Variants in LEPROTL1 observed in about 807,000 individuals in gnomAD.
LEPROTL1 encodes the protein leptin receptor overlapping transcript-like 1.
LEPROTL1 carries 6 observed loss-of-function variants against 15.4 expected under a neutral mutation model. That is an observed-to-expected ratio of 0.39 (90% CI 0.21 to 0.77). LEPROTL1 has a LOEUF of 0.77. Among genes scored for constraint, LEPROTL1 ranks in the 30% least tolerant of loss-of-function variants. The pLI is 0.41. For missense variants in LEPROTL1, 128 were observed against 158.1 expected, an observed-to-expected ratio of 0.81 and a Z score of 1.02; for synonymous variants, 56 against 52.6, an observed-to-expected ratio of 1.06 and a Z score of -0.28.
intron 3 of LEPROTL1, among the ~76,000 whole-genome samples, chr8:30,126,966 G>A (rs1257346995): frequency 6.6e-6 from 1 of 152,092 alleles, no homozygotes; most frequent in Non-Finnish European, 1.5e-5. Context: ...CTTGAACCCA[G>A]GAGGCGGAGG....
intron 2 of LEPROTL1, among the ~76,000 whole-genome samples, chr8:30,103,205 AAG>A (rs1802501707): frequency 6.6e-6 from 1 of 152,238 alleles, no homozygotes; most frequent in Non-Finnish European, 1.5e-5. Flanking sequence ...CAGTCTTAAA[AAG>A]AATGAGGAAG....
intron 2 of LEPROTL1, 103 bp downstream of exon 2, chr8:30,102,076 A>G: frequency 1.6e-6 from 1 of 636,184 alleles, no homozygotes; most frequent in Non-Finnish European, 2.7e-6. Context: ...ATGCAGAGAA[A>G]TGTTCACTTA....
In LEPROTL1 at chr8:30,095,503, C is replaced by G. The variant is rs1193881917; in HGVS notation, c.-10C>G. On this transcript the variant is annotated 5_prime_UTR_variant, in exon 1 of 4. Transcript: ENST00000321250. ...CCTCGGGTCGTGGAGCCAGGAGCGACGTCACCGCCATGGCAGGCATCAAAG... is the reference window on the plus strand; with the variant it reads ...CCTCGGGTCGTGGAGCCAGGAGCGAGGTCACCGCCATGGCAGGCATCAAAG... 5 of 1,460,586 alleles carry G rather than the reference C, an allele frequency of 3.4e-6. No individual in the cohort carries two copies. Among genetic ancestry groups the G allele is most frequent in the Non-Finnish European group, 3.6e-6 (4 of 1,110,234 alleles). 90.5% of individuals were successfully genotyped at this position (1,460,586 alleles called of 1,614,324 possible). A position where few individuals can be genotyped will look rare whatever the true frequency, so the allele number is the denominator to read the frequency against.
chr8:30,120,082 TAAA>T (rs1264482284), intron 3 of LEPROTL1, among the ~76,000 whole-genome samples: 7 of 151,378 alleles, frequency 4.6e-5, no homozygotes, highest in African/African-American at 7.3e-5. Context: ...AATAAATAAA[TAAA>T]TAAATAAATA....
chr8:30,136,877 G>T (rs183366254), intron 4 of LEPROTL1, among the ~76,000 whole-genome samples: 1 of 152,012 alleles, frequency 6.6e-6, no homozygotes, highest in Non-Finnish European at 1.5e-5. Context: ...TAGCAGAGAC[G>T]GGGTTTTGCC....
Position 30,106,934 on chromosome 8 carries a change from C to G in LEPROTL1, c.*1072C>G. 1.0e-6 allele frequency: 1 copy of G among 985,344 alleles called. No homozygotes were observed. Among genetic ancestry groups the G allele is most frequent in the Non-Finnish European group, 1.2e-6 (1 of 829,566 alleles). 61.0% of individuals were successfully genotyped at this position (985,344 alleles called of 1,614,324 possible). ...CTTACCTGGAAAATAATTGCTATGCCGTACATTCAGAGTGCCCCCTCCCCT... is the reference window on the plus strand; with the variant it reads ...CTTACCTGGAAAATAATTGCTATGCGGTACATTCAGAGTGCCCCCTCCCCT... On this transcript the variant is annotated 3_prime_UTR_variant, in exon 4 of 4. Coordinates refer to ENST00000321250, the MANE Select transcript of LEPROTL1 (RefSeq NM_015344.3).
intron 3 of LEPROTL1, among the ~76,000 whole-genome samples, chr8:30,105,283 G>A (rs1802544467): frequency 6.6e-6 from 1 of 152,116 alleles, no homozygotes; most frequent in South Asian, 2.1e-4. Flanking sequence ...TCAAAAGAAT[G>A]TACATGGGTG....
intron 3 of LEPROTL1, among the ~76,000 whole-genome samples, chr8:30,123,938 A>G (rs969996578): frequency 1.3e-5 from 2 of 151,878 alleles, no homozygotes; most frequent in African/African-American, 4.8e-5. Flanking sequence ...AACATTCTGG[A>G]TAGAAGGACA....
downstream of LEPROTL1, among the ~76,000 whole-genome samples, chr8:30,110,528 G>A (rs1483059593): frequency 6.6e-6 from 1 of 152,096 alleles, no homozygotes; most frequent in South Asian, 2.1e-4. Context: ...GAGGTCAAAA[G>A]TTCGAGACCA....
chr8:30,113,887 A>G (rs1388391902), intron 3 of LEPROTL1, among the ~76,000 whole-genome samples: 1 of 152,168 alleles, frequency 6.6e-6, no homozygotes, highest in Non-Finnish European at 1.5e-5. Context: ...AAACAATGGA[A>G]TACACCGAAG....
At chr8:30,098,521 A>G (rs540716024) in intron 1 of LEPROTL1, among the ~76,000 whole-genome samples, 1 of 152,344 alleles carries the variant, frequency 6.6e-6, no homozygotes, top group African/African-American at 2.4e-5. Context: ...TAAGTTGCGT[A>G]TAAATGGCTT....
chr8:30,100,392 C>T (rs949520990), intron 1 of LEPROTL1, among the ~76,000 whole-genome samples: 1 of 152,136 alleles, frequency 6.6e-6, no homozygotes, highest in African/African-American at 2.4e-5. Flanking sequence ...ATTTTCTTAG[C>T]CACTGTAACT....
At position 30,106,239 on chromosome 8, in the gene LEPROTL1, A is replaced by G. The variant is rs1585465797; in HGVS notation, c.*377A>G. ...AGGAATTCAGAATTCCGCCGGCTCT[A>G]TTACTGGTCAAGTACATCTTTTCTC... is the stretch of plus-strand genomic sequence containing the variant. On this transcript the variant is annotated 3_prime_UTR_variant, in exon 4 of 4. Coordinates refer to ENST00000321250, the MANE Select transcript of LEPROTL1 (RefSeq NM_015344.3). 1.0e-6 allele frequency: 1 copy of G among 986,354 alleles called. No homozygotes were observed. The highest frequency in any genetic ancestry group is 1.2e-6 in the Non-Finnish European group (1 of 830,224). 61.1% of individuals were successfully genotyped at this position (986,354 alleles called of 1,614,324 possible).
intron 3 of LEPROTL1, among the ~76,000 whole-genome samples, chr8:30,118,006 T>C (rs1802768658): frequency 6.9e-6 from 1 of 145,704 alleles, no homozygotes; most frequent in South Asian, 2.1e-4. Context: ...TCTGTATATA[T>C]ATTTTTTGAT....
intron 1 of LEPROTL1, among the ~76,000 whole-genome samples, chr8:30,097,057 A>G (rs567970002): frequency 7.2e-5 from 11 of 152,342 alleles, no homozygotes; most frequent in East Asian, 1.9e-4. Flanking sequence ...GAGTTTTGCT[A>G]GATAATTGGG....
intron 1 of LEPROTL1, among the ~76,000 whole-genome samples, chr8:30,097,068 C>T (rs1802377940): frequency 1.3e-5 from 2 of 152,186 alleles, no homozygotes; most frequent in African/African-American, 2.4e-5. Flanking sequence ...GATAATTGGG[C>T]TGCTCCATGC....
chr8:30,115,040 C>T (rs1344227689), intron 3 of LEPROTL1, among the ~76,000 whole-genome samples: 1 of 152,162 alleles, frequency 6.6e-6, no homozygotes, highest in Non-Finnish European at 1.5e-5. Context: ...GCTCCTGAAA[C>T]TCATGTACAG....
downstream of LEPROTL1, among the ~76,000 whole-genome samples, chr8:30,110,039 G>A (rs971678030): frequency 1.3e-5 from 2 of 152,036 alleles, no homozygotes; most frequent in Non-Finnish European, 2.9e-5. Flanking sequence ...GATTTCCAGG[G>A]TCTTATATCT....
rs533397573 is a variant in LEPROTL1, at chr8:30,107,596, G to A, written c.*1734G>A. On this transcript the variant is annotated 3_prime_UTR_variant, in exon 4 of 4. Transcript: ENST00000321250. ...TTAGATATGAGATGACGGGAAGCAG[G>A]ACGAAATATCGGCGTGTGGCTGGAG... 4.1e-6 allele frequency: 4 copies of A among 985,850 alleles called. No individual in the cohort carries two copies. In the South Asian group the frequency reaches 1.4e-4, roughly 35 times the overall value. 61.1% of individuals were successfully genotyped at this position (985,850 alleles called of 1,614,324 possible). A position where few individuals can be genotyped will look rare whatever the true frequency, so the allele number is the denominator to read the frequency against.
Sources: gnomAD v4.1 joint callset for allele counts (sites outside exome capture counted in the v4.1 genomes callset) on GRCh38, gnomAD v4.1.1 for gene constraint, MANE v1.5 for transcripts, NCBI Gene and HGNC (gene_info 2026-07-23, HGNC 2026-07-21) for gene names.